Variants in MYO5A observed in about 807,000 individuals in gnomAD.
MYO5A encodes the protein unconventional myosin-Va.
Under a neutral mutation model 249.7 loss-of-function variants are expected in MYO5A, and 98 were observed. That is an observed-to-expected ratio of 0.39 (90% CI 0.33 to 0.46). MYO5A has a LOEUF of 0.46. MYO5A is among the 20% of genes least tolerant of loss of function. The pLI is 0.98. For missense variants in MYO5A, 1,696 were observed against 2,308.8 expected (o/e 0.73, Z 5.44); for synonymous variants, 778 against 810.6 (o/e 0.96, Z 0.68).
chr15:52,307,982 G>A lies in MYO5A; in HGVS notation c.*5714C>T, dbSNP rs112719301. 9.2e-5 allele frequency: 14 copies of A among 152,048 alleles called. No homozygotes were observed. Among genetic ancestry groups the A allele is most frequent in the African/African-American group, 1.4e-4 (6 of 41,380 alleles). 9.4% of individuals were successfully genotyped at this position (152,048 alleles called of 1,614,324 possible). A position where few individuals can be genotyped will look rare whatever the true frequency, so the allele number is the denominator to read the frequency against. On this transcript the variant is annotated 3_prime_UTR_variant, in exon 42 of 42. Coordinates refer to ENST00000399233, the MANE Select transcript of MYO5A (RefSeq NM_001382347.1). Reference sequence around the variant, plus strand: ...AAAAATAATGGCTCAAATGATTTACGGAGCCTGAAATGTGGGCTAAAATTT... The same window carrying A: ...AAAAATAATGGCTCAAATGATTTACAGAGCCTGAAATGTGGGCTAAAATTT...
intron 4 of MYO5A, among the ~76,000 whole-genome samples, chr15:52,420,334 C>T (rs1025739261): frequency 6.7e-5 from 10 of 149,630 alleles, no homozygotes; most frequent in Admixed American, 2.0e-4. Flanking sequence ...GTGACTAGGT[C>T]GTGAGGGCTC....
intron 1 of MYO5A, among the ~76,000 whole-genome samples, chr15:52,475,377 C>T (rs892491291): frequency 1.3e-5 from 2 of 152,104 alleles, no homozygotes. Context: ...TTTTTTGTGT[C>T]TCTATCTCCT....
chr15:52,496,898 C>A (rs1193646500), intron 1 of MYO5A, among the ~76,000 whole-genome samples: 1 of 152,202 alleles, frequency 6.6e-6, no homozygotes, highest in Non-Finnish European at 1.5e-5. Flanking sequence ...CTTTACTAAA[C>A]CTGTGCAACA....
At chr15:52,336,435 G>A (rs1567030331) in intron 34 of MYO5A, 28 bp downstream of exon 34, 2 of 1,431,028 alleles carry the variant, frequency 1.4e-6, no homozygotes, top group Non-Finnish European at 1.9e-6. Flanking sequence ...AAGACTCAGT[G>A]ACCGTCTTGA....
intron 11 of MYO5A, among the ~76,000 whole-genome samples, chr15:52,395,338 C>A (rs2042442179): frequency 2.0e-5 from 3 of 152,088 alleles, no homozygotes. Context: ...GTTTTTTAAC[C>A]AAATTTGTAA....
intron 2 of MYO5A, among the ~76,000 whole-genome samples, chr15:52,429,136 C>T (rs891532791): frequency 1.1e-4 from 16 of 152,158 alleles, no homozygotes; most frequent in African/African-American, 3.6e-4. Context: ...CCTGAAATTA[C>T]GTGCAACAAC....
At chr15:52,505,906 T>C in intron 1 of MYO5A, 1 of 1,529,094 alleles carries the variant, frequency 6.5e-7, no homozygotes, top group Middle Eastern at 2.5e-4. Flanking sequence ...GCTTGAAAGA[T>C]TAAAAAAAAA....
intron 1 of MYO5A, among the ~76,000 whole-genome samples, chr15:52,486,276 C>G (rs548924130): frequency 6.6e-5 from 10 of 152,312 alleles, no homozygotes; most frequent in South Asian, 2.1e-4. Flanking sequence ...CCATTTTAAT[C>G]CTAATAGCCC....
At chr15:52,476,664 C>G (rs2076601689) in intron 1 of MYO5A, among the ~76,000 whole-genome samples, 1 of 152,148 alleles carries the variant, frequency 6.6e-6, no homozygotes, top group African/African-American at 2.4e-5. Flanking sequence ...CTTAGTTTGG[C>G]TGGATATGAA....
chr15:52,402,913 C>T (rs1405962241), intron 9 of MYO5A, among the ~76,000 whole-genome samples: 2 of 152,032 alleles, frequency 1.3e-5, no homozygotes, highest in Non-Finnish European at 2.9e-5. Context: ...TCTCCACCTA[C>T]CCCAAATAGT....
At chr15:52,364,525 TA>T (rs760783844) in intron 24 of MYO5A, 28 bp downstream of exon 24, 665 of 1,330,864 alleles carry the variant, frequency 5.0e-4, no homozygotes, top group Admixed American at 1.1e-3. Context: ...AATTTTTCAT[TA>T]AAAAAAAAAC....
intron 1 of MYO5A, among the ~76,000 whole-genome samples, chr15:52,439,427 T>C (rs774606814): frequency 3.9e-5 from 6 of 152,340 alleles, no homozygotes; most frequent in Middle Eastern, 3.4e-3. Flanking sequence ...CCTGAAACCT[T>C]ATTTTAGTTA....
Position 52,490,632 on chromosome 15 carries a change from G to A in MYO5A, c.27+38148C>T, listed in dbSNP as rs575728016. ...GGTTGCCAGGGACTAGAGGGAGTGG[G>A]GAATAGGGAGTTATTGTTTAATGGG... On this transcript the variant is annotated intron_variant, in intron 1 of 41. Transcript: ENST00000399233. Among the ~76,000 whole-genome samples, 26 of 152,284 alleles carry A rather than the reference G, an allele frequency of 1.7e-4. 1 individual carries two copies. The highest frequency in any genetic ancestry group is 3.4e-3 in the Middle Eastern group (1 of 294).
chr15:52,417,242 T>C (rs2043546235), intron 4 of MYO5A, among the ~76,000 whole-genome samples: 1 of 152,238 alleles, frequency 6.6e-6, no homozygotes, highest in Non-Finnish European at 1.5e-5. Context: ...TATTATTTTA[T>C]TCCTAAAGAA....
At chr15:52,337,666 A>C in intron 33 of MYO5A, 144 bp downstream of exon 33, 2 of 570,274 alleles carry the variant, frequency 3.5e-6, no homozygotes, top group Non-Finnish European at 3.1e-6. Flanking sequence ...ACCACTGGCT[A>C]AAAGACAGCT....
chr15:52,446,609 A>G (rs932624646), intron 1 of MYO5A, among the ~76,000 whole-genome samples: 5 of 152,162 alleles, frequency 3.3e-5, no homozygotes, highest in African/African-American at 1.2e-4. Context: ...CAGATCCCAG[A>G]ATCGTAAATC....
chr15:52,482,767 G>A (rs542821883), intron 1 of MYO5A, among the ~76,000 whole-genome samples: 39 of 152,024 alleles, frequency 2.6e-4, no homozygotes, highest in Non-Finnish European at 2.9e-4. Flanking sequence ...GAGGAGTTGC[G>A]GCAGCTCAAG....
rs11853875 is a variant in MYO5A at position 52,433,137 on chromosome 15, C to T, written c.138+38G>A. 0.16 allele frequency: 231,865 copies of T among 1,436,394 alleles called. 19,472 individuals are homozygous for T. The highest frequency in any genetic ancestry group is 0.21 in the Middle Eastern group (1,189 of 5,710). The allele number at this position is 1,436,394 out of a possible 1,614,324, so 89.0% of individuals were successfully genotyped here. On this transcript the variant is annotated intron_variant, in intron 2 of 41. Transcript: ENST00000399233. The stretch of plus-strand genomic sequence containing the variant: ...AATTTACACTTTTGAACTCCCTTCA[C>T]TTTATGCCAATGACAACAAATGAAA...
At chr15:52,396,039 A>C (rs895071756) in intron 11 of MYO5A, among the ~76,000 whole-genome samples, 5 of 152,230 alleles carry the variant, frequency 3.3e-5, no homozygotes, top group African/African-American at 7.2e-5. Flanking sequence ...TTAAAGCTTC[A>C]TACTCCCAAG....
Sources: gnomAD v4.1 joint callset for allele counts (sites outside exome capture counted in the v4.1 genomes callset) on GRCh38, gnomAD v4.1.1 for gene constraint, MANE v1.5 for transcripts, NCBI Gene and HGNC (gene_info 2026-07-23, HGNC 2026-07-21) for gene names.